Variants in NRXN1 observed in about 807,000 individuals in gnomAD.
NRXN1 encodes neurexin-1.
In NRXN1, 39 loss-of-function variants were observed where a neutral mutation model predicts 150.9. The ratio of observed to expected loss-of-function variants is 0.26; its 90% CI spans 0.20 to 0.34. NRXN1 has a LOEUF of 0.34. Among genes scored for constraint, NRXN1 ranks in the 10% least tolerant of loss-of-function variants. The pLI, the probability that NRXN1 is intolerant of heterozygous loss-of-function variation, is 1.00. For synonymous variants in NRXN1, 924 were observed against 757.0 expected, an observed-to-expected ratio of 1.22 and a Z score of -3.62; for missense variants, 1,815 against 1,949.9, an observed-to-expected ratio of 0.93 and a Z score of 1.30.
intron 17 of NRXN1, among the ~76,000 whole-genome samples, chr2:50,369,497 G>A (rs989353724): frequency 6.6e-6 from 1 of 151,866 alleles, no homozygotes; most frequent in Non-Finnish European, 1.5e-5. Flanking sequence ...CAAATAAATA[G>A]GCCCAAATAA....
chr2:49,974,320 C>G, intron 21 of NRXN1: 1 of 473,742 alleles, frequency 2.1e-6, no homozygotes, highest in South Asian at 2.0e-5. Flanking sequence ...AGCCCGGCAC[C>G]ACTCAAAAAG....
chr2:50,279,651 C>A (rs571905850), intron 17 of NRXN1, among the ~76,000 whole-genome samples: 1 of 152,192 alleles, frequency 6.6e-6, no homozygotes, highest in African/African-American at 2.4e-5. Context: ...AAAATGTGCT[C>A]TGTGATTTTA....
intron 18 of NRXN1, among the ~76,000 whole-genome samples, chr2:50,138,516 T>A (rs1024317656): frequency 1.3e-5 from 2 of 152,142 alleles, no homozygotes; most frequent in Non-Finnish European, 2.9e-5. Flanking sequence ...TAAAAAGAGA[T>A]GAAATAGACA....
intron 5 of NRXN1, among the ~76,000 whole-genome samples, chr2:50,920,533 T>C (rs994367651): frequency 6.6e-6 from 1 of 151,778 alleles, no homozygotes; most frequent in Non-Finnish European, 1.5e-5. Context: ...CAAACACATA[T>C]ACATATACTT....
intron 17 of NRXN1, among the ~76,000 whole-genome samples, chr2:50,285,188 G>A (rs2071971793): frequency 6.6e-6 from 1 of 152,182 alleles, no homozygotes; most frequent in Non-Finnish European, 1.5e-5. Context: ...TGCCCACTGA[G>A]TGCTTTCAAA....
chr2:50,020,217 A>G (rs545968701), intron 21 of NRXN1, among the ~76,000 whole-genome samples: 1 of 152,286 alleles, frequency 6.6e-6, no homozygotes, highest in Non-Finnish European at 1.5e-5. Flanking sequence ...CATATTAAAA[A>G]TGATTGTGTA....
intron 18 of NRXN1, among the ~76,000 whole-genome samples, chr2:50,098,848 T>TGGCTAG (rs1558874685): frequency 9.6e-4 from 17 of 17,644 alleles, no homozygotes; most frequent in South Asian, 3.4e-3. Flanking sequence ...TTTTTTTTTT[T>TGGCTAG]TTTTTTTTTT....
chr2:50,789,694 C>T (rs1263324276), intron 5 of NRXN1, among the ~76,000 whole-genome samples: 1 of 151,662 alleles, frequency 6.6e-6, no homozygotes, highest in Non-Finnish European at 1.5e-5. Flanking sequence ...CAAAATGAGA[C>T]AATTTAGACA....
chr2:50,554,718 C>A (rs183945630), intron 8 of NRXN1, among the ~76,000 whole-genome samples: 3 of 152,078 alleles, frequency 2.0e-5, no homozygotes, highest in East Asian at 3.9e-4. Flanking sequence ...GAAATAAAGC[C>A]CACACATATA....
intron 17 of NRXN1, among the ~76,000 whole-genome samples, chr2:50,395,887 A>T (rs10490228): frequency 0.25 from 37,732 of 151,948 alleles, 5,134 homozygotes; most frequent in East Asian, 0.43. Flanking sequence ...CACTAGCAGG[A>T]CTCAAGAACA....
At chr2:50,854,370 C>T (rs1674956102) in intron 5 of NRXN1, among the ~76,000 whole-genome samples, 1 of 151,994 alleles carries the variant, frequency 6.6e-6, no homozygotes, top group Admixed American at 6.6e-5. Flanking sequence ...TGCTAAAATC[C>T]ACAGAACAGT....
At chr2:50,707,678 C>G (rs1694627448) in intron 5 of NRXN1, among the ~76,000 whole-genome samples, 1 of 152,126 alleles carries the variant, frequency 6.6e-6, no homozygotes, top group Non-Finnish European at 1.5e-5. Flanking sequence ...AGGACTCTGA[C>G]AGCATCATTC....
intron 16 of NRXN1, among the ~76,000 whole-genome samples, chr2:50,469,034 G>A (rs1314540741): frequency 1.3e-5 from 2 of 151,538 alleles, no homozygotes; most frequent in African/African-American, 4.8e-5. Flanking sequence ...TTGAATTCCA[G>A]TGCCCATTTT....
At chr2:50,079,184 A>T (rs2218981) in intron 19 of NRXN1, among the ~76,000 whole-genome samples, 24,507 of 151,710 alleles carry the variant, frequency 0.16, 2,452 homozygotes, top group East Asian at 0.4. Context: ...CATATCTATT[A>T]GTTTTGTTGC....
At chr2:50,317,838 G>C (rs528710297) in intron 17 of NRXN1, among the ~76,000 whole-genome samples, 1 of 151,940 alleles carries the variant, frequency 6.6e-6, no homozygotes, top group East Asian at 1.9e-4. Context: ...ACATTCAAAG[G>C]TCCTTTTATT....
intron 17 of NRXN1, among the ~76,000 whole-genome samples, chr2:50,355,748 T>TA (rs1303124332): frequency 2.0e-5 from 3 of 152,230 alleles, no homozygotes; most frequent in Middle Eastern, 3.4e-3. Context: ...TACAAATACC[T>TA]AAAAAAAGAG....
At chr2:50,532,305 T>C (rs1257620274) in intron 10 of NRXN1, among the ~76,000 whole-genome samples, 2 of 110,146 alleles carry the variant, frequency 1.8e-5, no homozygotes, top group East Asian at 2.8e-4. Flanking sequence ...GAGAAGTTAC[T>C]GTCATCATTT....
At chr2:50,213,392 G>GA (rs1282961279) in intron 18 of NRXN1, among the ~76,000 whole-genome samples, 1 of 151,804 alleles carries the variant, frequency 6.6e-6, no homozygotes, top group East Asian at 1.9e-4. Context: ...AGACAGGAAA[G>GA]AAAAAATTGG....
At chr2:50,763,787 G>C (rs950374823) in intron 5 of NRXN1, among the ~76,000 whole-genome samples, 1 of 151,892 alleles carries the variant, frequency 6.6e-6, no homozygotes, top group Admixed American at 6.6e-5. Flanking sequence ...GCCTGTAACA[G>C]CTAGTGATCT....
Sources: allele counts gnomAD v4.1 joint callset (sites outside exome capture counted in the v4.1 genomes callset), GRCh38; gene constraint gnomAD v4.1.1; transcripts MANE v1.5; gene names NCBI Gene and HGNC (gene_info 2026-07-23, HGNC 2026-07-21).